WNT7B: variants seen among roughly 807,000 people sequenced by gnomAD.
WNT7B encodes protein Wnt-7b.
In WNT7B, 19 loss-of-function variants were observed where a neutral mutation model predicts 38.2. That is an observed-to-expected ratio of 0.50 (90% CI 0.35 to 0.73). WNT7B has a LOEUF of 0.73. Ranked by LOEUF, WNT7B falls within the 30% of genes least tolerant of loss-of-function variation. The probability of loss-of-function intolerance (pLI) is 0.01; values close to 1 mark genes in which losing one functional copy is unlikely to be tolerated. For missense variants in WNT7B, 423 were observed against 507.9 expected, an observed-to-expected ratio of 0.83 and a Z score of 1.61; for synonymous variants, 243 against 209.3, an observed-to-expected ratio of 1.16 and a Z score of -1.39.
chr22:45,930,787 C>A (rs1020930059), intron 3 of WNT7B, among the ~76,000 whole-genome samples: 1 of 152,196 alleles, frequency 6.6e-6, no homozygotes, highest in African/African-American at 2.4e-5. Flanking sequence ...GCCTGGGACC[C>A]TCCGCCACGG....
rs1422540165 is a variant in WNT7B at position 45,920,648 on chromosome 22, G to C, written c.*2208C>G. ...TGGTTCGGGAGATGGGGGATGGGAT[G>C]GGGGGTGGGTATGGGGAATAGGGAT... On this transcript the variant is annotated 3_prime_UTR_variant, in exon 4 of 4. Coordinates refer to ENST00000339464, the MANE Select transcript of WNT7B (RefSeq NM_058238.3). The C allele has an allele frequency of 6.9e-6, 1 of 144,772 alleles. No homozygotes were observed. The highest frequency in any genetic ancestry group is 1.5e-5 in the Non-Finnish European group (1 of 65,876). 9.0% of individuals were successfully genotyped at this position (144,772 alleles called of 1,614,324 possible).
Position 45,937,786 on chromosome 22 carries a change from G to C in WNT7B, c.299-6417C>G, listed in dbSNP as rs551503103. Among the ~76,000 whole-genome samples the C allele has an allele frequency of 3.9e-5, 6 of 152,346 alleles. No individual in the cohort carries two copies. The South Asian group carries it at 1.2e-3, about 32-fold the overall frequency. ...GCACTTTGGAAGGCTGAAGCAGGTG[G>C]ATCACCTGAGGTCAGGAGTTCGAGC... On this transcript the variant is annotated intron_variant, in intron 2 of 3. Coordinates refer to ENST00000339464, the MANE Select transcript of WNT7B (RefSeq NM_058238.3).
At chr22:45,925,402 T>G in intron 3 of WNT7B, 1 of 985,178 alleles carries the variant, frequency 1.0e-6, no homozygotes, top group Non-Finnish European at 1.2e-6. Context: ...GAGGCTGATG[T>G]CCCTCCCAGG....
intron 1 of WNT7B, among the ~76,000 whole-genome samples, chr22:45,973,215 T>C (rs545246203): frequency 6.6e-6 from 1 of 152,378 alleles, no homozygotes; most frequent in East Asian, 1.9e-4. Flanking sequence ...GAAGTAGACC[T>C]ACAAAGACGT....
chr22:45,933,977 G>C (rs1931446565), intron 2 of WNT7B, among the ~76,000 whole-genome samples: 1 of 152,210 alleles, frequency 6.6e-6, no homozygotes, highest in East Asian at 1.9e-4. Flanking sequence ...GTGGATTCCG[G>C]AACATTCAGA....
chr22:45,961,273 G>A (rs759548871), intron 1 of WNT7B, among the ~76,000 whole-genome samples: 2 of 152,152 alleles, frequency 1.3e-5, no homozygotes, highest in Admixed American at 1.3e-4. Context: ...CAGGAGTTCC[G>A]CCCGGCCACC....
chr22:45,959,026 C>A (rs947807422), intron 1 of WNT7B, among the ~76,000 whole-genome samples: 1 of 152,224 alleles, frequency 6.6e-6, no homozygotes, highest in Admixed American at 6.5e-5. Context: ...GATGGCAGAA[C>A]CCTGTCTTAC....
At chr22:45,940,422 A>G (rs10453451) in intron 2 of WNT7B, among the ~76,000 whole-genome samples, 36,266 of 151,918 alleles carry the variant, frequency 0.24, 5,841 homozygotes, top group African/African-American at 0.46. Flanking sequence ...ACTGACCTGG[A>G]CGCCACGCTT....
At chr22:45,954,274 G>T (rs1378889729) in intron 1 of WNT7B, among the ~76,000 whole-genome samples, 2 of 152,180 alleles carry the variant, frequency 1.3e-5, no homozygotes, top group African/African-American at 4.8e-5. Flanking sequence ...GGAACAGGGA[G>T]TGGCTGCCTA....
At chr22:45,962,138 A>G (rs978639375) in intron 1 of WNT7B, among the ~76,000 whole-genome samples, 2 of 150,502 alleles carry the variant, frequency 1.3e-5, no homozygotes, top group African/African-American at 4.9e-5. Flanking sequence ...GAAGAACCAG[A>G]CCGCCTGGGA....
At chr22:45,929,487 T>C (rs907385883) in intron 3 of WNT7B, among the ~76,000 whole-genome samples, 12 of 142,752 alleles carry the variant, frequency 8.4e-5, no homozygotes, top group Admixed American at 4.9e-4. Context: ...CATCTGTACA[T>C]CCACCCACCC....
chr22:45,933,827 G>A (rs934145454), intron 2 of WNT7B, among the ~76,000 whole-genome samples: 3 of 152,230 alleles, frequency 2.0e-5, no homozygotes, highest in Non-Finnish European at 2.9e-5. Context: ...ATGCTGAGCT[G>A]TGGAAGGGTT....
chr22:45,924,592 A>T (rs1296379989), intron 3 of WNT7B, among the ~76,000 whole-genome samples: 3 of 152,266 alleles, frequency 2.0e-5, no homozygotes, highest in Non-Finnish European at 2.9e-5. Context: ...ACATGAGCGA[A>T]GGTCTGGAGA....
intron 3 of WNT7B, among the ~76,000 whole-genome samples, chr22:45,929,525 T>TTTCCACCCACTCATCCTTCCAACCATCC (rs1397099794): frequency 1.7e-5 from 2 of 114,684 alleles, no homozygotes; most frequent in Admixed American, 1.1e-4. Flanking sequence ...TCCGTCCATC[T>TTTCCACCCACTCATCCTTCCAACCATCC]TTCCACCCAC....
intron 2 of WNT7B, among the ~76,000 whole-genome samples, chr22:45,941,747 G>A (rs951906834): frequency 6.6e-6 from 1 of 152,198 alleles, no homozygotes; most frequent in Non-Finnish European, 1.5e-5. Flanking sequence ...ACCTCCCGGG[G>A]CCAACTCCCC....
intron 2 of WNT7B, among the ~76,000 whole-genome samples, chr22:45,934,797 T>C (rs570615455): frequency 6.6e-6 from 1 of 152,248 alleles, no homozygotes. Context: ...TTTTATTTGC[T>C]TTTAATGAGC....
Position 45,965,077 on chromosome 22 carries a change from C to T in WNT7B, c.71+11607G>A, listed in dbSNP as rs1932282943. Among the ~76,000 whole-genome samples the T allele has an allele frequency of 1.3e-5, 2 of 152,180 alleles. No homozygotes were observed. The highest frequency in any genetic ancestry group is 4.1e-4 in the South Asian group (2 of 4,830). ...GAGATCACTGCCTCCGGCCCCGCCCCCACCTCACCTTCCCCTGCTCCAGCC... is the reference window on the plus strand; with the variant it reads ...GAGATCACTGCCTCCGGCCCCGCCCTCACCTCACCTTCCCCTGCTCCAGCC... On this transcript the variant is annotated intron_variant, in intron 1 of 3. Transcript: ENST00000339464. The surrounding 1 kb of genome is among the most constrained non-coding windows in gnomAD (Gnocchi z 6.5).
chr22:45,929,613 C>A (rs1250478686), intron 3 of WNT7B, among the ~76,000 whole-genome samples: 1 of 149,124 alleles, frequency 6.7e-6, no homozygotes, highest in Non-Finnish European at 1.5e-5. Context: ...TCCACCTGCC[C>A]ATACACCCAT....
At chr22:45,968,390 A>G (rs1201982718) in intron 1 of WNT7B, among the ~76,000 whole-genome samples, 2 of 151,962 alleles carry the variant, frequency 1.3e-5, no homozygotes, top group South Asian at 4.2e-4. Context: ...TCCCACAGCC[A>G]CCCGGTGAGG....
Sources: allele counts gnomAD v4.1 joint callset (sites outside exome capture counted in the v4.1 genomes callset), GRCh38; gene constraint gnomAD v4.1.1; non-coding constraint Gnocchi (gnomAD v3.1); transcripts MANE v1.5; gene names NCBI Gene and HGNC (gene_info 2026-07-23, HGNC 2026-07-21).